Variants in DCC observed in about 807,000 individuals in gnomAD.
DCC encodes the protein DCC netrin 1 receptor.
In DCC, 58 loss-of-function variants were observed where a neutral mutation model predicts 172.5. The ratio of observed to expected loss-of-function variants is 0.34; its 90% CI spans 0.27 to 0.42. The LOEUF is 0.42. DCC is among the 10% of genes least tolerant of loss of function. The pLI, the probability that DCC is intolerant of heterozygous loss-of-function variation, is 1.00. For synonymous variants in DCC, 709 were observed against 644.5 expected (o/e 1.10, Z -1.52); for missense variants, 1,740 against 1,791.0 (o/e 0.97, Z 0.51).
At chr18:52,923,902 G>C (rs1173026645) in intron 4 of DCC, 45 bp downstream of exon 4, 1 of 1,368,900 alleles carries the variant, frequency 7.3e-7, no homozygotes, top group Admixed American at 1.7e-5. Context: ...CTTTTGTATG[G>C]TATATGCTGC....
At chr18:53,027,034 C>A (rs1170065305) in intron 5 of DCC, among the ~76,000 whole-genome samples, 3 of 152,098 alleles carry the variant, frequency 2.0e-5, no homozygotes, top group Non-Finnish European at 4.4e-5. Flanking sequence ...TTTTATTATT[C>A]ACTTAAAAAA....
chr18:53,101,032 A>G (rs1285380479), intron 7 of DCC, among the ~76,000 whole-genome samples: 1 of 152,110 alleles, frequency 6.6e-6, no homozygotes, highest in Non-Finnish European at 1.5e-5. Context: ...GTTCCACACA[A>G]TTAACATTTA....
At chr18:52,951,741 T>G (rs2040651723) in intron 5 of DCC, among the ~76,000 whole-genome samples, 1 of 152,210 alleles carries the variant, frequency 6.6e-6, no homozygotes, top group Non-Finnish European at 1.5e-5. Context: ...ACATGTTAAT[T>G]AATGTTTTAT....
At chr18:52,948,813 CAT>C (rs2040590669) in intron 5 of DCC, among the ~76,000 whole-genome samples, 1 of 152,050 alleles carries the variant, frequency 6.6e-6, no homozygotes, top group Non-Finnish European at 1.5e-5. Flanking sequence ...CTTTAATCCT[CAT>C]ATGTCATATG....
intron 27 of DCC, among the ~76,000 whole-genome samples, chr18:53,503,478 C>A (rs931512474): frequency 2.0e-4 from 31 of 152,206 alleles, no homozygotes; most frequent in African/African-American, 5.8e-4. Context: ...AGGCTGCAAT[C>A]ACTACACTTT....
At chr18:53,226,421 A>G (rs1337417826) in intron 12 of DCC, among the ~76,000 whole-genome samples, 3 of 152,158 alleles carry the variant, frequency 2.0e-5, no homozygotes, top group African/African-American at 7.2e-5. Context: ...TAGTGAACCT[A>G]CATGGAAGAT....
chr18:52,955,291 A>G (rs962821533), intron 5 of DCC, among the ~76,000 whole-genome samples: 19 of 152,050 alleles, frequency 1.2e-4, no homozygotes, highest in African/African-American at 4.1e-4. Context: ...TCAGAGTACC[A>G]TGTAGTTCAC....
At chr18:52,342,055 C>T (rs529372386) in intron 1 of DCC, among the ~76,000 whole-genome samples, 1 of 152,272 alleles carries the variant, frequency 6.6e-6, no homozygotes, top group South Asian at 2.1e-4. Flanking sequence ...CCGGCTTTCT[C>T]TTCTCTGCTA....
intron 1 of DCC, among the ~76,000 whole-genome samples, chr18:52,370,137 G>A (rs192519644): frequency 2.8e-4 from 43 of 152,248 alleles, no homozygotes; most frequent in African/African-American, 9.9e-4. Context: ...TGACTGGCAT[G>A]AGATGGTATC....
chr18:52,606,069 A>G (rs946248580), intron 1 of DCC, among the ~76,000 whole-genome samples: 1 of 152,144 alleles, frequency 6.6e-6, no homozygotes, highest in Non-Finnish European at 1.5e-5. Flanking sequence ...ACAGTGTCAT[A>G]TAGGTGGTTT....
At chr18:52,846,016 T>A (rs1356369370) in intron 2 of DCC, among the ~76,000 whole-genome samples, 1 of 152,216 alleles carries the variant, frequency 6.6e-6, no homozygotes, top group Non-Finnish European at 1.5e-5. Flanking sequence ...CTCAGTCTAA[T>A]GTTCTTCCAG....
chr18:52,901,391 A>T (rs1319940423), intron 2 of DCC, among the ~76,000 whole-genome samples: 1 of 152,092 alleles, frequency 6.6e-6, no homozygotes, highest in Non-Finnish European at 1.5e-5. Flanking sequence ...GATCGTGCCA[A>T]CACACTCCAT....
rs1908595863 is a variant in DCC at position 53,392,253 on chromosome 18, A to G, written c.2688+366A>G. On this transcript the variant is annotated intron_variant, in intron 17 of 28. Transcript: ENST00000442544. ...TTTTTTTTTTCCATTTGGAATCTAG[A>G]TTGATTTACAAAGCGACCCTATTAA... is the stretch of plus-strand genomic sequence containing the variant. Among the ~76,000 whole-genome samples the G allele has an allele frequency of 3.3e-5, 5 of 151,614 alleles. No individual in the cohort carries two copies. In the South Asian group the frequency reaches 1.0e-3, roughly 32 times the overall value.
At chr18:52,993,433 C>T (rs2041427611) in intron 5 of DCC, among the ~76,000 whole-genome samples, 2 of 152,132 alleles carry the variant, frequency 1.3e-5, no homozygotes, top group African/African-American at 4.8e-5. Context: ...TGAAAATATT[C>T]CCTCTCACAA....
At chr18:53,114,191 G>A (rs548999953) in intron 7 of DCC, among the ~76,000 whole-genome samples, 2 of 151,388 alleles carry the variant, frequency 1.3e-5, no homozygotes, top group East Asian at 1.9e-4. Context: ...ATACCAGTTA[G>A]CATTTGTATT....
rs1242885519 is a variant in DCC at position 53,086,097 on chromosome 18, C to T, written c.1261+19931C>T. Among the ~76,000 whole-genome samples the T allele has an allele frequency of 1.1e-3, 8 of 7,052 alleles. 4 individuals carry two copies. The African/African-American group carries it at 0.023, about 20-fold the overall frequency. 4.6% of individuals were successfully genotyped at this position (7,052 alleles called of 152,430 possible). ...CCTCCTCCTCCTCCTCCTCCTCCTCCTCCTCCTCCTCCTCCTCCTCCTCCT... is the reference window on the plus strand; with the variant it reads ...CCTCCTCCTCCTCCTCCTCCTCCTCTTCCTCCTCCTCCTCCTCCTCCTCCT... On this transcript the variant is annotated intron_variant, in intron 7 of 28. Transcript: ENST00000442544.
chr18:53,187,127 TTC>T (rs1491076698), intron 9 of DCC, among the ~76,000 whole-genome samples: 1 of 119,830 alleles, frequency 8.3e-6, no homozygotes, highest in Non-Finnish European at 1.8e-5. Flanking sequence ...TCTTTTTTTT[TTC>T]TTTTTTTTTT....
intron 2 of DCC, among the ~76,000 whole-genome samples, chr18:52,825,391 T>G (rs1053630539): frequency 3.3e-5 from 5 of 152,186 alleles, no homozygotes; most frequent in African/African-American, 1.2e-4. Flanking sequence ...AAAATAAAAT[T>G]AAGCAACTCC....
chr18:53,073,931 A>C (rs1280747817), intron 7 of DCC, among the ~76,000 whole-genome samples: 1 of 151,620 alleles, frequency 6.6e-6, no homozygotes, highest in African/African-American at 2.4e-5. Flanking sequence ...CATTATAATT[A>C]TAGTGTTTCC....
Sources: allele counts gnomAD v4.1 joint callset (sites outside exome capture counted in the v4.1 genomes callset), GRCh38; gene constraint gnomAD v4.1.1; transcripts MANE v1.5; gene names NCBI Gene and HGNC (gene_info 2026-07-23, HGNC 2026-07-21).